Variants in OTUD7A observed in about 807,000 individuals in gnomAD.
OTUD7A encodes the protein OTU domain-containing protein 7A.
Under a neutral mutation model 65.7 loss-of-function variants are expected in OTUD7A, and 12 were observed. The ratio of observed to expected loss-of-function variants is 0.18; its 90% CI spans 0.12 to 0.30. The LOEUF (loss-of-function observed/expected upper bound fraction) is 0.30. OTUD7A is among the 10% of genes least tolerant of loss of function. The probability of loss-of-function intolerance (pLI) is 1.00; values close to 1 mark genes in which losing one functional copy is unlikely to be tolerated. For missense variants in OTUD7A, 1,148 were observed against 1,304.8 expected, an observed-to-expected ratio of 0.88 and a Z score of 1.85; for synonymous variants, 641 against 586.3, an observed-to-expected ratio of 1.09 and a Z score of -1.35.
intron 4 of OTUD7A, among the ~76,000 whole-genome samples, chr15:31,561,241 G>A (rs1047928025): frequency 7.9e-5 from 12 of 152,184 alleles, no homozygotes; most frequent in Admixed American, 7.2e-4. Context: ...GGTGGGGGAC[G>A]GCCCATTGCT....
chr15:31,495,369 CAG>C (rs970800724), intron 10 of OTUD7A, among the ~76,000 whole-genome samples: 6 of 152,358 alleles, frequency 3.9e-5, no homozygotes, highest in African/African-American at 1.4e-4. Flanking sequence ...AAGCTGAAGA[CAG>C]AGCTCCATAG....
At chr15:31,766,421 T>G (rs1297856981) in intron 1 of OTUD7A, 4 of 1,582,400 alleles carry the variant, frequency 2.5e-6, no homozygotes, top group African/African-American at 1.3e-5. Flanking sequence ...GCAGCAAACT[T>G]TGTGTGCCAG....
At chr15:31,744,198 A>G (rs989638189) in intron 1 of OTUD7A, among the ~76,000 whole-genome samples, 1 of 152,234 alleles carries the variant, frequency 6.6e-6, no homozygotes. Context: ...TTAAGGAAGA[A>G]ATAATAGTAA....
intron 6 of OTUD7A, among the ~76,000 whole-genome samples, chr15:31,527,549 A>G (rs200867850): frequency 6.6e-6 from 1 of 152,242 alleles, no homozygotes; most frequent in Non-Finnish European, 1.5e-5. Context: ...GTGAAAATCA[A>G]GTGCTTTTCC....
intron 1 of OTUD7A, among the ~76,000 whole-genome samples, chr15:31,774,621 T>G (rs191507542): frequency 6.6e-6 from 1 of 152,186 alleles, no homozygotes; most frequent in Non-Finnish European, 1.5e-5. Context: ...CAGAGGGGGA[T>G]CTCAGATACT....
chr15:31,729,509 G>A (rs1893983912), intron 1 of OTUD7A, among the ~76,000 whole-genome samples: 1 of 152,144 alleles, frequency 6.6e-6, no homozygotes, highest in South Asian at 2.1e-4. Flanking sequence ...TACTGAGTGT[G>A]GCCCTTTTTT....
chr15:31,500,231 G>T (rs1231139259), intron 10 of OTUD7A, among the ~76,000 whole-genome samples: 5 of 152,218 alleles, frequency 3.3e-5, no homozygotes, highest in African/African-American at 1.2e-4. Flanking sequence ...CAGGCATTCC[G>T]CATTCCGGAT....
At chr15:31,795,827 G>C (rs1322175663) in intron 1 of OTUD7A, among the ~76,000 whole-genome samples, 2 of 152,204 alleles carry the variant, frequency 1.3e-5, no homozygotes, top group African/African-American at 2.4e-5. Context: ...TGTAAAGTGA[G>C]GAACAGGCCC....
chr15:31,641,441 A>G (rs1445877805), intron 3 of OTUD7A, among the ~76,000 whole-genome samples: 3 of 152,296 alleles, frequency 2.0e-5, no homozygotes, highest in East Asian at 1.9e-4. Flanking sequence ...GGATTTATGT[A>G]TGAATTTTAA....
chr15:31,717,961 C>G lies in OTUD7A; in HGVS notation c.-99-60884G>C, dbSNP rs1471588450. 3.9e-5 allele frequency among the ~76,000 whole-genome samples: 6 copies of G among 152,270 alleles called. No individual in the cohort carries two copies. The East Asian group carries it at 1.2e-3, about 29-fold the overall frequency. On this transcript the variant is annotated intron_variant, in intron 1 of 12. Transcript: ENST00000307050. ...ACTGGTGAGAGATGGTATCCTTGGG[C>G]AGAGTTCAGTCTATCATTCTGCAAC...
At chr15:31,715,181 G>A (rs2141342011) in intron 1 of OTUD7A, among the ~76,000 whole-genome samples, 1 of 152,238 alleles carries the variant, frequency 6.6e-6, no homozygotes, top group South Asian at 2.1e-4. Context: ...ATCCTACCTT[G>A]CTTGAAACCC....
At chr15:31,494,040 G>A (rs564175514) in intron 10 of OTUD7A, among the ~76,000 whole-genome samples, 11 of 152,224 alleles carry the variant, frequency 7.2e-5, no homozygotes, top group Non-Finnish European at 7.3e-5. Context: ...CCTGAGGATC[G>A]GGCCCCTAGG....
intron 3 of OTUD7A, among the ~76,000 whole-genome samples, chr15:31,605,110 C>T (rs1038944208): frequency 6.6e-6 from 1 of 152,154 alleles, no homozygotes; most frequent in Non-Finnish European, 1.5e-5. Flanking sequence ...TTTTAGTTTG[C>T]TTTTGATGAG....
At chr15:31,522,754 G>A (rs2041955240) in intron 8 of OTUD7A, among the ~76,000 whole-genome samples, 1 of 152,198 alleles carries the variant, frequency 6.6e-6, no homozygotes, top group African/African-American at 2.4e-5. Flanking sequence ...GCCACTGTGA[G>A]TCCTCCTGGG....
chr15:31,527,403 C>T (rs2141118927), intron 6 of OTUD7A, 95 bp from the exon 7 acceptor site: 1 of 1,480,192 alleles, frequency 6.8e-7, no homozygotes, highest in African/African-American at 1.4e-5. Context: ...ACTGGGAGAG[C>T]CTCCTGTCTG....
intron 1 of OTUD7A, among the ~76,000 whole-genome samples, chr15:31,741,527 G>T (rs1039152704): frequency 6.6e-6 from 1 of 152,054 alleles, no homozygotes; most frequent in African/African-American, 2.4e-5. Context: ...AGAGTTAAAT[G>T]TTAGAAACGT....
intron 5 of OTUD7A, among the ~76,000 whole-genome samples, chr15:31,554,770 G>A (rs530226659): frequency 1.3e-5 from 2 of 152,168 alleles, no homozygotes; most frequent in Admixed American, 6.5e-5. Flanking sequence ...CCCGGTCTCC[G>A]AGCCATCTCC....
At chr15:31,657,722 C>T (rs1443490118) in intron 1 of OTUD7A, among the ~76,000 whole-genome samples, 1 of 152,186 alleles carries the variant, frequency 6.6e-6, no homozygotes, top group Non-Finnish European at 1.5e-5. Flanking sequence ...ATTCATGTCC[C>T]ATGATGATAT....
intron 1 of OTUD7A, among the ~76,000 whole-genome samples, chr15:31,718,729 G>A (rs922141475): frequency 2.5e-4 from 34 of 133,954 alleles, no homozygotes; most frequent in African/African-American, 7.5e-4. Context: ...TAATGTTCCC[G>A]TCCCAAATCT....
Sources: gnomAD v4.1 joint callset for allele counts (sites outside exome capture counted in the v4.1 genomes callset) on GRCh38, gnomAD v4.1.1 for gene constraint, MANE v1.5 for transcripts, NCBI Gene and HGNC (gene_info 2026-07-23, HGNC 2026-07-21) for gene names.